Variants in SGCZ observed in about 807,000 individuals in gnomAD.
SGCZ encodes zeta-sarcoglycan.
SGCZ carries 40 observed loss-of-function variants against 41.3 expected under a neutral mutation model. The ratio of observed to expected loss-of-function variants is 0.97; its 90% CI spans 0.75 to 1.26. The LOEUF (loss-of-function observed/expected upper bound fraction) is 1.26, where lower values mean the gene tolerates loss of function less well. Among genes scored for constraint, SGCZ ranks in the 50% most tolerant of loss-of-function variants. The pLI is 0.00. For missense variants in SGCZ, 552 were observed against 369.8 expected (o/e 1.49, Z -4.04); for synonymous variants, 206 against 137.5 (o/e 1.50, Z -3.49).
intron 1 of SGCZ, among the ~76,000 whole-genome samples, chr8:15,196,481 T>C (rs971011548): frequency 2.6e-5 from 4 of 152,114 alleles, no homozygotes; most frequent in African/African-American, 4.8e-5. Flanking sequence ...AAGAATATGA[T>C]AACATAGCAT....
intron 1 of SGCZ, among the ~76,000 whole-genome samples, chr8:15,203,660 G>A (rs1800968505): frequency 6.6e-6 from 1 of 152,134 alleles, no homozygotes; most frequent in South Asian, 2.1e-4. Context: ...AAAATTGAGT[G>A]CAAATAGAAA....
At chr8:14,330,075 T>C (rs1447844060) in intron 2 of SGCZ, among the ~76,000 whole-genome samples, 1 of 152,170 alleles carries the variant, frequency 6.6e-6, no homozygotes, top group Non-Finnish European at 1.5e-5. Flanking sequence ...AATATCCTAG[T>C]CAGAAATAAC....
chr8:14,486,391 G>A (rs1233661597), intron 2 of SGCZ, among the ~76,000 whole-genome samples: 1 of 152,184 alleles, frequency 6.6e-6, no homozygotes, highest in Non-Finnish European at 1.5e-5. Flanking sequence ...ACTACTCACT[G>A]TTACTCAAGA....
intron 1 of SGCZ, among the ~76,000 whole-genome samples, chr8:14,578,798 C>A (rs1027229372): frequency 6.6e-6 from 1 of 152,126 alleles, no homozygotes; most frequent in African/African-American, 2.4e-5. Flanking sequence ...CTAGTATAGT[C>A]ATTAAGACAT....
At chr8:15,177,787 T>C (rs1353655327) in intron 1 of SGCZ, among the ~76,000 whole-genome samples, 1 of 152,176 alleles carries the variant, frequency 6.6e-6, no homozygotes, top group Non-Finnish European at 1.5e-5. Context: ...TCTTGGTTAT[T>C]CTCTGAGACA....
intron 1 of SGCZ, among the ~76,000 whole-genome samples, chr8:14,905,576 C>T (rs4831315): frequency 6.6e-6 from 1 of 151,736 alleles, no homozygotes; most frequent in Non-Finnish European, 1.5e-5. Flanking sequence ...CAAAGTGCAC[C>T]AGAGAAAAAT....
At chr8:14,316,812 GACACACACACACAC>G (rs55956388) in intron 3 of SGCZ, among the ~76,000 whole-genome samples, 6 of 142,394 alleles carry the variant, frequency 4.2e-5, no homozygotes, top group African/African-American at 7.9e-5. Context: ...ATTTATTATA[GACACACACACACAC>G]ACACACACAC....
At chr8:14,904,073 T>C (rs1214542465) in intron 1 of SGCZ, among the ~76,000 whole-genome samples, 1 of 152,094 alleles carries the variant, frequency 6.6e-6, no homozygotes, top group Non-Finnish European at 1.5e-5. Context: ...GATAAAGCTA[T>C]CATAGTCTTC....
At chr8:14,234,519 T>C (rs1806686535) in intron 4 of SGCZ, among the ~76,000 whole-genome samples, 1 of 152,238 alleles carries the variant, frequency 6.6e-6, no homozygotes, top group Non-Finnish European at 1.5e-5. Flanking sequence ...CGATGCATTC[T>C]ATTGGTAGAC....
At position 15,168,749 on chromosome 8, in the gene SGCZ, C is replaced by T. The variant is rs1027122830; in HGVS notation, c.39+68836G>A. Among the ~76,000 whole-genome samples the T allele has an allele frequency of 1.1e-4, 16 of 152,308 alleles. No homozygotes were observed. In the South Asian group the frequency reaches 3.3e-3, roughly 32 times the overall value. On this transcript the variant is annotated intron_variant, in intron 1 of 7. Coordinates refer to ENST00000382080, the MANE Select transcript of SGCZ (RefSeq NM_139167.4). Reference sequence around the variant, plus strand: ...AAAAGTGCTTTCTTTTTCTTTTCTCCTCCTCTGTCCTTTCTTCAGTTAGGC... The same window carrying T: ...AAAAGTGCTTTCTTTTTCTTTTCTCTTCCTCTGTCCTTTCTTCAGTTAGGC...
intron 1 of SGCZ, among the ~76,000 whole-genome samples, chr8:14,689,803 A>T (rs1020203331): frequency 6.6e-6 from 1 of 152,200 alleles, no homozygotes; most frequent in Non-Finnish European, 1.5e-5. Context: ...ATTAAAGAGA[A>T]TCCCCATCAG....
chr8:14,697,366 T>C (rs6999437), intron 1 of SGCZ, among the ~76,000 whole-genome samples: 57,904 of 151,596 alleles, frequency 0.38, 13,662 homozygotes, highest in Non-Finnish European at 0.54. Flanking sequence ...GGGGATTAAA[T>C]GAAACAATTC....
At chr8:14,529,054 C>A (rs1233434615) in intron 2 of SGCZ, among the ~76,000 whole-genome samples, 9 of 152,058 alleles carry the variant, frequency 5.9e-5, no homozygotes, top group African/African-American at 7.2e-5. Flanking sequence ...CTCCTTCATA[C>A]TGATCTACAT....
At chr8:14,213,974 T>G (rs934980364) in intron 4 of SGCZ, among the ~76,000 whole-genome samples, 1 of 152,128 alleles carries the variant, frequency 6.6e-6, no homozygotes, top group African/African-American at 2.4e-5. Context: ...GTTCAACATG[T>G]TCATAGCAAG....
At chr8:15,041,084 A>T (rs1804077312) in intron 1 of SGCZ, among the ~76,000 whole-genome samples, 1 of 151,966 alleles carries the variant, frequency 6.6e-6, no homozygotes, top group South Asian at 2.1e-4. Context: ...ATACTAAAAC[A>T]TATCAAACTA....
At chr8:14,153,219 A>G (rs959423821) in intron 5 of SGCZ, among the ~76,000 whole-genome samples, 7 of 152,212 alleles carry the variant, frequency 4.6e-5, no homozygotes, top group African/African-American at 1.4e-4. Flanking sequence ...CTGTATGTAC[A>G]CTGATAACTG....
intron 1 of SGCZ, among the ~76,000 whole-genome samples, chr8:14,710,483 T>C (rs1229873152): frequency 6.6e-6 from 1 of 152,036 alleles, no homozygotes; most frequent in East Asian, 1.9e-4. Flanking sequence ...CAAGTGATTC[T>C]GAGAAACCGA....
chr8:14,582,975 G>T (rs1184552349), intron 1 of SGCZ, among the ~76,000 whole-genome samples: 1 of 151,830 alleles, frequency 6.6e-6, no homozygotes, highest in Non-Finnish European at 1.5e-5. Flanking sequence ...AAATACGTGT[G>T]CATGTGTCTT....
At chr8:14,953,050 A>C (rs797017932) in intron 1 of SGCZ, among the ~76,000 whole-genome samples, 80 of 152,292 alleles carry the variant, frequency 5.3e-4, no homozygotes, top group African/African-American at 1.8e-3. Context: ...AGGCATACAC[A>C]GGGATAAAAC....
Sources: allele counts gnomAD v4.1 joint callset (sites outside exome capture counted in the v4.1 genomes callset), GRCh38; gene constraint gnomAD v4.1.1; transcripts MANE v1.5; gene names NCBI Gene and HGNC (gene_info 2026-07-23, HGNC 2026-07-21).